STPG2: variants seen among roughly 807,000 people sequenced by gnomAD.
STPG2 encodes the protein sperm tail PG-rich repeat containing 2.
STPG2 carries 56 observed loss-of-function variants against 54.2 expected under a neutral mutation model. The ratio of observed to expected loss-of-function variants is 1.03; its 90% CI spans 0.83 to 1.29. The LOEUF (loss-of-function observed/expected upper bound fraction) is 1.29. STPG2 is among the 50% of genes most tolerant of loss of function. STPG2 has a pLI of 0.00. For synonymous variants in STPG2, 200 were observed against 181.8 expected, an observed-to-expected ratio of 1.10 and a Z score of -0.81; for missense variants, 596 against 544.9, an observed-to-expected ratio of 1.09 and a Z score of -0.93.
chr4:97,966,364 TG>T (rs2149252132), intron 7 of STPG2, among the ~76,000 whole-genome samples: 1 of 152,240 alleles, frequency 6.6e-6, no homozygotes, highest in South Asian at 2.1e-4. Context: ...CTAAGAAATA[TG>T]GGACTATGTG....
chr4:98,072,072 G>T (rs1738021316), intron 5 of STPG2, among the ~76,000 whole-genome samples: 1 of 152,098 alleles, frequency 6.6e-6, no homozygotes, highest in Non-Finnish European at 1.5e-5. Flanking sequence ...ATACCCAAAG[G>T]AATGTAAATC....
intron 10 of STPG2, among the ~76,000 whole-genome samples, chr4:97,632,109 C>T (rs1271422463): frequency 6.6e-6 from 1 of 152,000 alleles, no homozygotes; most frequent in African/African-American, 2.4e-5. Context: ...TAAAATCTCT[C>T]TTTCCTTATT....
intron 8 of STPG2, among the ~76,000 whole-genome samples, chr4:97,857,834 A>G (rs529142152): frequency 2.6e-5 from 4 of 152,172 alleles, no homozygotes; most frequent in African/African-American, 9.6e-5. Context: ...GATAAATTTA[A>G]CAAAGAGATT....
At chr4:98,000,196 T>A (rs1735371694) in intron 5 of STPG2, among the ~76,000 whole-genome samples, 2 of 152,144 alleles carry the variant, frequency 1.3e-5, no homozygotes, top group South Asian at 4.1e-4. Flanking sequence ...CCAGAGCTAA[T>A]GAAAATATAT....
intron 8 of STPG2, among the ~76,000 whole-genome samples, chr4:97,907,723 A>C (rs1731498657): frequency 6.6e-6 from 1 of 152,190 alleles, no homozygotes; most frequent in South Asian, 2.1e-4. Context: ...ACTTATCTAC[A>C]ACCATCTGAT....
At chr4:97,749,208 G>C (rs1005908761) in intron 9 of STPG2, among the ~76,000 whole-genome samples, 1 of 151,678 alleles carries the variant, frequency 6.6e-6, no homozygotes, top group Admixed American at 6.6e-5. Flanking sequence ...ATTGTATCTT[G>C]CTTTACTTAA....
intron 8 of STPG2, among the ~76,000 whole-genome samples, chr4:97,889,146 C>A (rs1295570851): frequency 6.6e-6 from 1 of 152,118 alleles, no homozygotes; most frequent in Non-Finnish European, 1.5e-5. Context: ...AACTAATACA[C>A]ACCTATTATC....
chr4:97,949,865 G>GTTTTGTT (rs58927143), intron 7 of STPG2, among the ~76,000 whole-genome samples: 23 of 151,668 alleles, frequency 1.5e-4, no homozygotes, highest in Non-Finnish European at 2.9e-4. Context: ...ATGCCTTTGT[G>GTTTTGTT]TTTTGTTTTT....
At chr4:97,503,448 C>G (rs1201101306) in intron 4 of STPG2, among the ~76,000 whole-genome samples, 1 of 151,258 alleles carries the variant, frequency 6.6e-6, no homozygotes, top group African/African-American at 2.4e-5. Flanking sequence ...CAAAATGTAC[C>G]AACTAATTCT....
intron 8 of STPG2, among the ~76,000 whole-genome samples, chr4:97,910,057 C>G (rs1231177272): frequency 6.6e-6 from 1 of 152,170 alleles, no homozygotes; most frequent in East Asian, 1.9e-4. Flanking sequence ...TGACTATACC[C>G]TCTCTGCTCC....
At chr4:97,537,413 G>A (rs1731561849) in intron 4 of STPG2, among the ~76,000 whole-genome samples, 1 of 152,198 alleles carries the variant, frequency 6.6e-6, no homozygotes, top group Non-Finnish European at 1.5e-5. Context: ...TGCAAGGCTT[G>A]GAGGGTCCCA....
chr4:97,673,766 A>G (rs1449703025), intron 10 of STPG2, among the ~76,000 whole-genome samples: 1 of 152,062 alleles, frequency 6.6e-6, no homozygotes, highest in Non-Finnish European at 1.5e-5. Context: ...CACATCTTAT[A>G]TCTTTACTCT....
chr4:97,447,063 A>G (rs534977186), intron 4 of STPG2, among the ~76,000 whole-genome samples: 5 of 152,210 alleles, frequency 3.3e-5, no homozygotes, highest in African/African-American at 4.8e-5. Flanking sequence ...CAAAATGCTG[A>G]TAGTGATGTG....
Position 97,744,836 on chromosome 4 carries a change from A to G in STPG2, c.1205-32022T>C, listed in dbSNP as rs975683472. 4.0e-5 allele frequency among the ~76,000 whole-genome samples: 6 copies of G among 151,600 alleles called. 1 individual carries two copies. The South Asian group carries it at 1.2e-3, about 31-fold the overall frequency. On this transcript the variant is annotated intron_variant, in intron 9 of 10. Coordinates refer to ENST00000295268, the MANE Select transcript of STPG2 (RefSeq NM_174952.3). ...GGCCACAAGTAACGGAAACCCGCAGAAAGTGAAAGAGTGGTTAAGGAAGGA... is the reference window on the plus strand; with the variant it reads ...GGCCACAAGTAACGGAAACCCGCAGGAAGTGAAAGAGTGGTTAAGGAAGGA...
At chr4:97,751,154 C>T (rs1011018076) in intron 9 of STPG2, among the ~76,000 whole-genome samples, 10 of 151,838 alleles carry the variant, frequency 6.6e-5, no homozygotes, top group Admixed American at 5.9e-4. Flanking sequence ...TCTTCCTTGT[C>T]ACACATGATT....
chr4:97,789,802 G>C (rs1341261823), intron 9 of STPG2, among the ~76,000 whole-genome samples: 1 of 152,080 alleles, frequency 6.6e-6, no homozygotes, highest in East Asian at 1.9e-4. Flanking sequence ...CCAACTTACT[G>C]TACAAAGCGG....
In STPG2 at chr4:97,513,189, G is replaced by C. The variant is rs111770987; in HGVS notation, c.462+199510C>G. On this transcript the variant is annotated intron_variant, in intron 4 of 4. Coordinates refer to the STPG2 transcript ENST00000522676. Reference sequence around the variant, plus strand: ...GAATATTACGAAGGATAAATTGCCAGAGGGAAGAACTGCACAGGGCAAGGT... The same window carrying C: ...GAATATTACGAAGGATAAATTGCCACAGGGAAGAACTGCACAGGGCAAGGT... Among the ~76,000 whole-genome samples the C allele has an allele frequency of 4.8e-3, 732 of 152,204 alleles. 4 individuals are homozygous for C. The highest frequency in any genetic ancestry group is 0.02 in the Middle Eastern group (6 of 294).
intron 9 of STPG2, among the ~76,000 whole-genome samples, chr4:97,722,096 A>G (rs4361393): frequency 0.46 from 66,148 of 144,686 alleles, 15,982 homozygotes; most frequent in South Asian, 0.62. Flanking sequence ...CCAGGAGGGG[A>G]AAAAAAAAAA....
intron 5 of STPG2, among the ~76,000 whole-genome samples, chr4:97,982,483 C>T (rs563102653): frequency 1.1e-3 from 164 of 151,802 alleles, no homozygotes; most frequent in South Asian, 1.0e-2. Flanking sequence ...AAAAAAAATG[C>T]AGATATTTTC....
Sources: allele counts gnomAD v4.1 joint callset (sites outside exome capture counted in the v4.1 genomes callset), GRCh38; gene constraint gnomAD v4.1.1; transcripts MANE v1.5; gene names NCBI Gene and HGNC (gene_info 2026-07-23, HGNC 2026-07-21).